MAMDC2: variants seen among roughly 807,000 people sequenced by gnomAD.
MAMDC2 encodes MAM domain-containing protein 2.
Under a neutral mutation model 89.8 loss-of-function variants are expected in MAMDC2, and 57 were observed. That is an observed-to-expected ratio of 0.63 (90% CI 0.51 to 0.79). MAMDC2 has a LOEUF of 0.79. MAMDC2 is among the 30% of genes least tolerant of loss of function. The pLI, the probability that MAMDC2 is intolerant of heterozygous loss-of-function variation, is 0.00. For synonymous variants in MAMDC2, 313 were observed against 293.4 expected (o/e 1.07, Z -0.68); for missense variants, 800 against 820.6 (o/e 0.97, Z 0.31).
Position 70,221,402 on chromosome 9 carries a change from G to GAGAGAGAGAGAGAGAGAGAAAGAGAGAA in MAMDC2, c.1911+2812_1911+2813insAGAGAGAGAGAGAAAGAGAGAAAGAGAG. Among the ~76,000 whole-genome samples the GAGAGAGAGAGAGAGAGAGAAAGAGAGAA allele has an allele frequency of 2.2e-4, 23 of 104,600 alleles. 2 individuals are homozygous for GAGAGAGAGAGAGAGAGAGAAAGAGAGAA. Among genetic ancestry groups the GAGAGAGAGAGAGAGAGAGAAAGAGAGAA allele is most frequent in the African/African-American group, 8.1e-4 (22 of 27,178 alleles). The allele number at this position is 104,600 out of a possible 152,430, so 68.6% of individuals were successfully genotyped here. A position where few individuals can be genotyped will look rare whatever the true frequency, so the allele number is the denominator to read the frequency against. ...ATATAGAGAGAGAGAGAGAGAGAGA[G>GAGAGAGAGAGAGAGAGAGAAAGAGAGAA]AGAGAGTAACATCAGATAACAAGTG... On this transcript the variant is annotated intron_variant, in intron 12 of 13. Transcript: ENST00000377182.
At chr9:70,193,657 TC>T (rs2032926499) in intron 11 of MAMDC2, among the ~76,000 whole-genome samples, 1 of 152,172 alleles carries the variant, frequency 6.6e-6, no homozygotes, top group Admixed American at 6.6e-5. Flanking sequence ...GGCTGAACTT[TC>T]TTTGCTATAC....
At chr9:70,175,150 G>A (rs1257251549) in intron 11 of MAMDC2, among the ~76,000 whole-genome samples, 3 of 152,210 alleles carry the variant, frequency 2.0e-5, no homozygotes, top group East Asian at 1.9e-4. Context: ...AAGACTAGGC[G>A]TGCAAATGAA....
intron 7 of MAMDC2, among the ~76,000 whole-genome samples, chr9:70,132,547 T>G (rs75636631): frequency 1.6e-5 from 2 of 123,890 alleles, no homozygotes; most frequent in South Asian, 2.8e-4. Flanking sequence ...TTTTTTTTTT[T>G]GGGAAGGGGA....
chr9:70,142,941 T>G (rs906343858), intron 8 of MAMDC2, among the ~76,000 whole-genome samples: 2 of 152,200 alleles, frequency 1.3e-5, no homozygotes. Flanking sequence ...TTCCTGATCT[T>G]ATTTTTCTTT....
chr9:70,138,674 T>G (rs187423345), intron 7 of MAMDC2, among the ~76,000 whole-genome samples: 3 of 152,198 alleles, frequency 2.0e-5, no homozygotes, highest in African/African-American at 7.2e-5. Context: ...TTTTTTTATA[T>G]ACCTGTTGGC....
intron 11 of MAMDC2, among the ~76,000 whole-genome samples, chr9:70,213,210 C>T (rs935353223): frequency 6.6e-6 from 1 of 152,190 alleles, no homozygotes; most frequent in African/African-American, 2.4e-5. Flanking sequence ...GAATTCATTA[C>T]TTCCCCTCCA....
At chr9:70,204,443 C>T (rs1238451311) in intron 11 of MAMDC2, among the ~76,000 whole-genome samples, 1 of 150,674 alleles carries the variant, frequency 6.6e-6, no homozygotes, top group African/African-American at 2.4e-5. Context: ...GCTGGGAGAA[C>T]CACTGCTCTC....
At chr9:70,183,672 C>CT (rs1159188158) in intron 11 of MAMDC2, among the ~76,000 whole-genome samples, 3 of 150,962 alleles carry the variant, frequency 2.0e-5, no homozygotes, top group East Asian at 1.9e-4. Flanking sequence ...GCAACCCTTG[C>CT]TTTTTTTTTC....
At chr9:70,189,044 T>C (rs1055775223) in intron 11 of MAMDC2, among the ~76,000 whole-genome samples, 1 of 152,138 alleles carries the variant, frequency 6.6e-6, no homozygotes, top group African/African-American at 2.4e-5. Flanking sequence ...ATTGACACAG[T>C]TTTATAATTA....
chr9:70,184,650 C>T (rs1011614256), intron 11 of MAMDC2, among the ~76,000 whole-genome samples: 1 of 151,542 alleles, frequency 6.6e-6, no homozygotes, highest in Non-Finnish European at 1.5e-5. Flanking sequence ...TTCTGATATT[C>T]TTTCTTCTGC....
At position 70,044,108 on chromosome 9, in the gene MAMDC2, G is replaced by A; in HGVS notation, c.-90G>A. On this transcript the variant is annotated 5_prime_UTR_variant, in exon 1 of 14. Coordinates refer to ENST00000377182, the MANE Select transcript of MAMDC2 (RefSeq NM_153267.5). ...CCCTCCTTGGGTCCCCGGCGCCCCC[G>A]CCTCCCACGATCCCTTTCACTAGGA... is the stretch of plus-strand genomic sequence containing the variant. 2.0e-6 allele frequency: 3 copies of A among 1,513,218 alleles called. No individual in the cohort carries two copies. Among genetic ancestry groups the A allele is most frequent in the Middle Eastern group, 1.7e-4 (1 of 5,902 alleles). 93.7% of individuals were successfully genotyped at this position (1,513,218 alleles called of 1,614,324 possible).
chr9:70,215,977 T>C (rs926672004), intron 11 of MAMDC2, among the ~76,000 whole-genome samples: 1 of 152,200 alleles, frequency 6.6e-6, no homozygotes, highest in Non-Finnish European at 1.5e-5. Context: ...TAGAGGGGAC[T>C]TCTAACCAAT....
chr9:70,223,477 C>T (rs1397712046), intron 12 of MAMDC2, among the ~76,000 whole-genome samples: 3 of 152,162 alleles, frequency 2.0e-5, no homozygotes, highest in African/African-American at 7.2e-5. Context: ...ACAATGCTTG[C>T]TTTTAATTGT....
chr9:70,187,180 C>T (rs1014497815), intron 11 of MAMDC2, among the ~76,000 whole-genome samples: 3 of 152,156 alleles, frequency 2.0e-5, no homozygotes, highest in Admixed American at 6.5e-5. Flanking sequence ...TTGCCCCTGC[C>T]TAACTGTCTC....
intron 9 of MAMDC2, among the ~76,000 whole-genome samples, chr9:70,145,708 T>C (rs2031382599): frequency 3.9e-5 from 6 of 152,208 alleles, no homozygotes; most frequent in Admixed American, 3.9e-4. Flanking sequence ...ATAAGCATTT[T>C]ATTTATTCAT....
chr9:70,054,642 G>A (rs762239854), intron 2 of MAMDC2, among the ~76,000 whole-genome samples: 1 of 151,890 alleles, frequency 6.6e-6, no homozygotes, highest in Non-Finnish European at 1.5e-5. Flanking sequence ...TATAGTAAGG[G>A]GAAGGGACCA....
chr9:70,065,023 T>G (rs1827234433), intron 2 of MAMDC2, among the ~76,000 whole-genome samples: 1 of 152,232 alleles, frequency 6.6e-6, no homozygotes, highest in Non-Finnish European at 1.5e-5. Context: ...TACTTAATCT[T>G]AGCTCCATCT....
At chr9:70,179,963 A>C (rs1486392046) in intron 11 of MAMDC2, among the ~76,000 whole-genome samples, 1 of 149,460 alleles carries the variant, frequency 6.7e-6, no homozygotes, top group Admixed American at 6.8e-5. Context: ...GCTTTGCCAG[A>C]CCTATCATCC....
intron 2 of MAMDC2, among the ~76,000 whole-genome samples, chr9:70,066,271 G>T (rs974125992): frequency 8.6e-5 from 13 of 151,132 alleles, no homozygotes; most frequent in Non-Finnish European, 1.5e-4. Context: ...CTGAGGAAAG[G>T]GGGTGCTTGG....
Sources: allele counts gnomAD v4.1 joint callset (sites outside exome capture counted in the v4.1 genomes callset), GRCh38; gene constraint gnomAD v4.1.1; transcripts MANE v1.5; gene names NCBI Gene and HGNC (gene_info 2026-07-23, HGNC 2026-07-21).